ENPP3: variants seen among roughly 807,000 people sequenced by gnomAD.
ENPP3 encodes ectonucleotide pyrophosphatase/phosphodiesterase family member 3.
Under a neutral mutation model 117.8 loss-of-function variants are expected in ENPP3, and 104 were observed. That is an observed-to-expected ratio of 0.88 (90% CI 0.75 to 1.04). The LOEUF (loss-of-function observed/expected upper bound fraction) is 1.04, where lower values mean the gene tolerates loss of function less well. Among genes scored for constraint, ENPP3 ranks in the 50% least tolerant of loss-of-function variants. The pLI, the probability that ENPP3 is intolerant of heterozygous loss-of-function variation, is 0.00. For missense variants in ENPP3, 1,026 were observed against 1,051.9 expected, an observed-to-expected ratio of 0.98 and a Z score of 0.34; for synonymous variants, 380 against 349.9, an observed-to-expected ratio of 1.09 and a Z score of -0.96.
chr6:131,669,617 CT>C (rs1244114619), intron 6 of ENPP3, among the ~76,000 whole-genome samples: 1 of 129,252 alleles, frequency 7.7e-6, no homozygotes, highest in Non-Finnish European at 1.6e-5. Context: ...GATCACGCCA[CT>C]GCACTCTAGC....
chr6:131,680,022 T>G (rs746998911), intron 11 of ENPP3, among the ~76,000 whole-genome samples: 1 of 151,996 alleles, frequency 6.6e-6, no homozygotes, highest in African/African-American at 2.4e-5. Flanking sequence ...AAAAGTACAA[T>G]AAGAAGCATT....
At chr6:131,733,528 A>G (rs1015732284) in intron 20 of ENPP3, 60 bp from the exon 21 acceptor site, 2 of 1,569,768 alleles carry the variant, frequency 1.3e-6, no homozygotes, top group Admixed American at 1.8e-5. Flanking sequence ...GACAAACCAT[A>G]TAAGGCAATG....
At chr6:131,732,000 A>T (rs1780291103) in intron 20 of ENPP3, among the ~76,000 whole-genome samples, 1 of 152,192 alleles carries the variant, frequency 6.6e-6, no homozygotes, top group Non-Finnish European at 1.5e-5. Context: ...TACTTGTTCT[A>T]TACCTCAGCA....
chr6:131,653,009 T>C (rs1778298352), intron 5 of ENPP3, 118 bp downstream of exon 5: 1 of 646,112 alleles, frequency 1.5e-6, no homozygotes, highest in Non-Finnish European at 2.7e-6. Context: ...CAAAACAGAA[T>C]AGTCCACAAA....
rs1480398125 is a variant in ENPP3, at chr6:131,677,805, C to G, written c.939-63C>G. ...GCAAGCCCAAGATCTACAAAATCCC[C>G]CAATCCAGCCTGTATGTTTATAGCA... is the stretch of plus-strand genomic sequence containing the variant. On this transcript the variant is annotated intron_variant, in intron 10 of 24. Transcript: ENST00000357639. The G allele has an allele frequency of 5.5e-6, 6 of 1,084,268 alleles. No homozygotes were observed. In the African/African-American group the frequency reaches 7.8e-5, roughly 14 times the overall value. 67.2% of individuals were successfully genotyped at this position (1,084,268 alleles called of 1,614,324 possible).
chr6:131,719,420 CAT>C (rs60507180), intron 16 of ENPP3, among the ~76,000 whole-genome samples: 5,558 of 128,324 alleles, frequency 0.043, 225 homozygotes, highest in African/African-American at 0.14. Flanking sequence ...CACACACACA[CAT>C]TCCTTTCCAA....
intron 6 of ENPP3, among the ~76,000 whole-genome samples, chr6:131,667,630 T>C (rs1778645587): frequency 6.6e-6 from 1 of 152,240 alleles, no homozygotes; most frequent in Non-Finnish European, 1.5e-5. Context: ...GAGAGTTCTC[T>C]CCTGATCATA....
chr6:131,689,136 T>C (rs146009277), intron 14 of ENPP3, among the ~76,000 whole-genome samples: 5 of 152,234 alleles, frequency 3.3e-5, no homozygotes, highest in Admixed American at 1.3e-4. Context: ...CAGCAAGTAT[T>C]TGTGGTGACA....
intron 24 of ENPP3, among the ~76,000 whole-genome samples, chr6:131,742,681 CCCTCAGTTGA>C (rs1226516557): frequency 2.1e-5 from 3 of 145,356 alleles, no homozygotes; most frequent in African/African-American, 7.8e-5. Flanking sequence ...TCACAATTTA[CCCTCAGTTGA>C]CCTTACAGGC....
intron 15 of ENPP3, among the ~76,000 whole-genome samples, chr6:131,715,393 T>C (rs1194604036): frequency 1.5e-5 from 2 of 134,634 alleles, no homozygotes; most frequent in Non-Finnish European, 3.0e-5. Context: ...GCAGAGATCC[T>C]TGTGCAAGGG....
At chr6:131,702,038 G>T (rs1779550868) in intron 15 of ENPP3, among the ~76,000 whole-genome samples, 1 of 151,726 alleles carries the variant, frequency 6.6e-6, no homozygotes, top group Non-Finnish European at 1.5e-5. Context: ...AAAAAATTTG[G>T]CTCAGGCCTT....
chr6:131,721,202 A>G (rs1162475287), intron 17 of ENPP3, among the ~76,000 whole-genome samples: 1 of 152,206 alleles, frequency 6.6e-6, no homozygotes, highest in Non-Finnish European at 1.5e-5. Flanking sequence ...TTAACAAATC[A>G]TTTATTTACC....
At chr6:131,695,564 T>C (rs915945148) in intron 15 of ENPP3, among the ~76,000 whole-genome samples, 1 of 152,182 alleles carries the variant, frequency 6.6e-6, no homozygotes, top group Non-Finnish European at 1.5e-5. Context: ...ACATACAAAG[T>C]AAACTAACTT....
chr6:131,716,896 A>T (rs1298247377), intron 15 of ENPP3, among the ~76,000 whole-genome samples: 1 of 151,062 alleles, frequency 6.6e-6, no homozygotes, highest in Non-Finnish European at 1.5e-5. Flanking sequence ...GCTTGAACCC[A>T]GGAGGCAGAG....
rs1310156112 is a variant in ENPP3 at position 131,675,105 on chromosome 6, G to GT, written c.791dup (p.Leu264PhefsTer33). The GT allele has an allele frequency of 6.2e-7, 1 of 1,613,616 alleles. No individual in the cohort carries two copies. The highest frequency in any genetic ancestry group is 8.5e-7 in the Non-Finnish European group (1 of 1,179,614). ...ATGTGGCTGACAGCAATGTATCAAG[G>GT]TTTAAAAGCCGCTACCTACTTTTGG... On this transcript the variant is annotated frameshift_variant, in exon 9 of 25. Transcript: ENST00000357639. LOFTEE classifies it high-confidence loss of function.
rs377124855 is a variant in ENPP3 at position 131,722,450 on chromosome 6, C to G, written c.1746+45C>G. ...ATCCATAAGAACGTAAAGGGGCAAG[C>G]TATTCTTAACCTGGGTAGCTGACAA... On this transcript the variant is annotated intron_variant, in intron 18 of 24. Transcript: ENST00000357639. 5.8e-4 allele frequency: 890 copies of G among 1,534,358 alleles called. 14 individuals are homozygous for G. In the South Asian group the frequency reaches 9.5e-3, roughly 16 times the overall value.
At chr6:131,720,475 G>T (rs1196244200) in intron 17 of ENPP3, 96 bp downstream of exon 17, 3 of 586,044 alleles carry the variant, frequency 5.1e-6, no homozygotes, top group Non-Finnish European at 8.9e-6. Flanking sequence ...GAGGCTGGAT[G>T]CTCTGTAGTG....
Position 131,682,916 on chromosome 6 carries a change from AGT to A in ENPP3, c.1012-136_1012-135del. Reference sequence around the variant, plus strand: ...TGATGAATATGGTAGCATGGGTGCTAGTGCTGGGCTCTGAGGTTCTGTTTCAA... The same window carrying A: ...TGATGAATATGGTAGCATGGGTGCTAGCTGGGCTCTGAGGTTCTGTTTCAA... On this transcript the variant is annotated intron_variant, in intron 11 of 24. Transcript: ENST00000357639. 7.7e-6 allele frequency: 5 copies of A among 648,220 alleles called. No homozygotes were observed. The Admixed American group carries it at 1.5e-4, about 19-fold the overall frequency. The allele number at this position is 648,220 out of a possible 1,614,324, so 40.2% of individuals were successfully genotyped here.
chr6:131,673,477 C>T (rs1231745502), intron 7 of ENPP3, among the ~76,000 whole-genome samples: 1 of 152,092 alleles, frequency 6.6e-6, no homozygotes, highest in Non-Finnish European at 1.5e-5. Context: ...ATGATAGGAA[C>T]TTATTAACGC....
Sources: allele counts gnomAD v4.1 joint callset (sites outside exome capture counted in the v4.1 genomes callset), GRCh38; gene constraint gnomAD v4.1.1; transcripts MANE v1.5; gene names NCBI Gene and HGNC (gene_info 2026-07-23, HGNC 2026-07-21).